MYH11: variants seen among roughly 807,000 people sequenced by gnomAD.
MYH11 encodes the protein myosin heavy chain 11, also known as myosin-11.
A neutral mutation model predicts 246.6 loss-of-function variants in MYH11; 80 were observed. The observed-to-expected ratio is 0.32, with a 90% CI of 0.27 to 0.39. The LOEUF (loss-of-function observed/expected upper bound fraction) is 0.39. Among genes scored for constraint, MYH11 ranks in the 10% least tolerant of loss-of-function variants. The probability of loss-of-function intolerance (pLI) is 1.00; values close to 1 mark genes in which losing one functional copy is unlikely to be tolerated. For synonymous variants in MYH11, 1,071 were observed against 1,015.5 expected (o/e 1.05, Z -1.04); for missense variants, 2,158 against 2,546.8 (o/e 0.85, Z 3.29).
At chr16:15,741,440 G>A (rs760404412) in intron 22 of MYH11, 23 bp downstream of exon 22, 66 of 1,604,112 alleles carry the variant, frequency 4.1e-5, no homozygotes, top group South Asian at 2.5e-4. Context: ...TACCCACCAC[G>A]GGCTGCCCCT....
chr16:15,802,603 C>T (rs1246875761), intron 3 of MYH11, among the ~76,000 whole-genome samples: 2 of 152,204 alleles, frequency 1.3e-5, no homozygotes, highest in Non-Finnish European at 2.9e-5. Flanking sequence ...CACATGCCAG[C>T]ATGCCCGGCT....
At chr16:15,800,931 C>A (rs1029387353) in intron 3 of MYH11, among the ~76,000 whole-genome samples, 1 of 152,044 alleles carries the variant, frequency 6.6e-6, no homozygotes. Context: ...GCAGGCCGGG[C>A]GCAGTGGCTC....
chr16:15,729,446 CT>C (rs2040896226), intron 27 of MYH11, among the ~76,000 whole-genome samples: 3 of 152,118 alleles, frequency 2.0e-5, no homozygotes, highest in African/African-American at 7.2e-5. Flanking sequence ...CCAAAGAGGC[CT>C]GGCTGGGAAT....
rs200223639 is a variant in MYH11, at chr16:15,721,057, G to A, written c.4579-6C>T. On this transcript the variant is annotated splice_region_variant and splice_polypyrimidine_tract_variant and intron_variant, in intron 32 of 40. Coordinates refer to ENST00000300036, the MANE Select transcript of MYH11 (RefSeq NM_002474.3). ...GACTTCTCCAGCTCATGGACCTGCCGGCAGAGCGGGCAGCCCCATTCTATG... is the reference window on the plus strand; with the variant it reads ...GACTTCTCCAGCTCATGGACCTGCCAGCAGAGCGGGCAGCCCCATTCTATG... 5.5e-5 allele frequency: 88 copies of A among 1,613,474 alleles called. No homozygotes were observed. The highest frequency in any genetic ancestry group is 1.1e-4 in the East Asian group (5 of 44,854).
chr16:15,855,044 G>A (rs9935015), intron 1 of MYH11, among the ~76,000 whole-genome samples: 28,809 of 152,078 alleles, frequency 0.19, 3,354 homozygotes, highest in East Asian at 0.43. Flanking sequence ...CATGGAAAAC[G>A]CTTCCATAAA....
intron 31 of MYH11, among the ~76,000 whole-genome samples, chr16:15,721,868 G>A (rs960083732): frequency 3.3e-5 from 5 of 152,010 alleles, no homozygotes; most frequent in Non-Finnish European, 7.4e-5. Context: ...TTGTGTGTTT[G>A]TTTGTTTTAG....
chr16:15,854,153 C>T (rs973473020), intron 1 of MYH11, among the ~76,000 whole-genome samples: 6 of 152,202 alleles, frequency 3.9e-5, no homozygotes, highest in Admixed American at 6.5e-5. Context: ...CAAATAGAAA[C>T]GAGGTTTATG....
intron 19 of MYH11, among the ~76,000 whole-genome samples, chr16:15,745,742 C>A (rs1423867196): frequency 1.3e-5 from 2 of 151,890 alleles, no homozygotes; most frequent in Non-Finnish European, 2.9e-5. Flanking sequence ...TGCCCACAAC[C>A]ATGCCTGGCT....
At chr16:15,802,119 T>C (rs2042901462) in intron 3 of MYH11, among the ~76,000 whole-genome samples, 2 of 152,060 alleles carry the variant, frequency 1.3e-5, no homozygotes, top group Admixed American at 1.3e-4. Context: ...AAATGGTCAA[T>C]AGAAAAAGAG....
At chr16:15,735,843 A>C (rs2041102867) in intron 25 of MYH11, among the ~76,000 whole-genome samples, 1 of 152,268 alleles carries the variant, frequency 6.6e-6, no homozygotes, top group African/African-American at 2.4e-5. Context: ...TGTGTGTGCA[A>C]GAATGCAAAG....
At chr16:15,716,933 C>G (rs2151197218) in intron 38 of MYH11, among the ~76,000 whole-genome samples, 1 of 152,340 alleles carries the variant, frequency 6.6e-6, no homozygotes, top group East Asian at 1.9e-4. Flanking sequence ...GCAGCTCACA[C>G]TTTAGGTGCT....
chr16:15,803,847 T>C (rs1385928561), intron 3 of MYH11, among the ~76,000 whole-genome samples: 1 of 152,060 alleles, frequency 6.6e-6, no homozygotes, highest in Non-Finnish European at 1.5e-5. Context: ...CCAGCGCGGC[T>C]CCGAGCTGGG....
chr16:15,720,476 G>A (rs984153120), intron 33 of MYH11, among the ~76,000 whole-genome samples, 164 bp from the exon 34 acceptor site: 2 of 152,060 alleles, frequency 1.3e-5, no homozygotes, highest in Admixed American at 1.3e-4. Flanking sequence ...CCGGGCGTGG[G>A]TGGCTCATGT....
chr16:15,768,361 T>A (rs1171198078), intron 9 of MYH11, among the ~76,000 whole-genome samples: 2 of 151,044 alleles, frequency 1.3e-5, no homozygotes, highest in African/African-American at 4.9e-5. Context: ...AGGCCAGGAG[T>A]TCAAGGCTGC....
chr16:15,724,596 G>A (rs747530482), intron 30 of MYH11, 51 bp downstream of exon 30: 38 of 1,612,152 alleles, frequency 2.4e-5, no homozygotes, highest in South Asian at 1.2e-4. Context: ...GGATCTCAGC[G>A]CAGAGAAGTT....
At chr16:15,706,537 G>A (rs529617433) in intron 40 of MYH11, among the ~76,000 whole-genome samples, 45 of 152,192 alleles carry the variant, frequency 3.0e-4, no homozygotes, top group African/African-American at 9.9e-4. Flanking sequence ...GTGAAACCCC[G>A]TCTCTACTAA....
intron 2 of MYH11, among the ~76,000 whole-genome samples, chr16:15,830,755 G>A (rs2043714055): frequency 2.0e-5 from 3 of 152,012 alleles, no homozygotes; most frequent in Non-Finnish European, 4.4e-5. Flanking sequence ...ATGCACACCT[G>A]TAATCCCAGC....
chr16:15,762,319 A>C (rs1003261956), intron 10 of MYH11, among the ~76,000 whole-genome samples: 8 of 151,866 alleles, frequency 5.3e-5, no homozygotes, highest in Admixed American at 4.6e-4. Flanking sequence ...CCCAAAACAA[A>C]CCCCCTTCTT....
intron 1 of MYH11, among the ~76,000 whole-genome samples, 160 bp downstream of exon 1, chr16:15,856,781 G>C (rs1052849470): frequency 2.0e-5 from 3 of 151,996 alleles, no homozygotes; most frequent in Non-Finnish European, 4.4e-5. Context: ...AGACGATAAG[G>C]CAGAGAGAGA....
Sources: allele counts gnomAD v4.1 joint callset (sites outside exome capture counted in the v4.1 genomes callset), GRCh38; gene constraint gnomAD v4.1.1; transcripts MANE v1.5; gene names NCBI Gene and HGNC (gene_info 2026-07-23, HGNC 2026-07-21).